Variants in ERCC8 observed in about 807,000 individuals in gnomAD.
ERCC8 encodes DNA excision repair protein ERCC-8.
A neutral mutation model predicts 54.9 loss-of-function variants in ERCC8; 52 were observed. The observed-to-expected ratio is 0.95, with a 90% confidence interval of 0.76 to 1.19. ERCC8 has a LOEUF of 1.19. Among genes scored for constraint, ERCC8 ranks in the 50% most tolerant of loss-of-function variants. The probability of loss-of-function intolerance (pLI) is 0.00; values close to 1 mark genes in which losing one functional copy is unlikely to be tolerated. For missense variants in ERCC8, 514 were observed against 466.1 expected (o/e 1.10, Z -0.95); for synonymous variants, 146 against 157.2 (o/e 0.93, Z 0.53).
rs148393161 is a variant in ERCC8, at chr5:60,904,792, C to T, written c.481G>A (p.Val161Ile). The stretch of plus-strand genomic sequence containing the variant: ...AAGACAAAAGAATACACTTACAAAC[C>T]TGCTACCAAACAGTGCTTGGTGGAG... ...PVSTKHCLVA[V>I]GTRGPKVQLC... Residue 161 changes from valine (V) to isoleucine (I), a missense_variant and splice_region_variant, in exon 5 of 12, where the codon GTT (valine) becomes ATT (isoleucine). By Grantham distance (29) the Val-to-Ile change is conservative. Coordinates refer to ENST00000676185, the MANE Select transcript of ERCC8 (RefSeq NM_000082.4). The T allele has an allele frequency of 4.4e-5, 70 of 1,582,430 alleles. No individual in the cohort carries two copies. Among genetic ancestry groups the T allele is most frequent in the Non-Finnish European group, 5.4e-5 (62 of 1,153,600 alleles).
At chr5:60,892,078 T>C in intron 9 of ERCC8, 1 of 529,240 alleles carries the variant, frequency 1.9e-6, no homozygotes, top group South Asian at 1.4e-5. Flanking sequence ...TTGTAGGGGG[T>C]CCATCTCCAT....
At chr5:60,936,254 G>A (rs577136788) in intron 1 of ERCC8, among the ~76,000 whole-genome samples, 5 of 152,132 alleles carry the variant, frequency 3.3e-5, no homozygotes, top group South Asian at 2.1e-4. Context: ...GGAGGGTTGC[G>A]TATTTCCAGG....
At chr5:60,928,804 G>C (rs1749822671) in intron 2 of ERCC8, 60 bp downstream of exon 2, 1 of 894,750 alleles carries the variant, frequency 1.1e-6, no homozygotes, top group Admixed American at 1.9e-5. Context: ...ATTTGAAAAA[G>C]CAGGTTTTAC....
chr5:60,883,730 G>C (rs992189150), intron 11 of ERCC8, among the ~76,000 whole-genome samples: 2 of 152,264 alleles, frequency 1.3e-5, no homozygotes, highest in African/African-American at 4.8e-5. Context: ...CTTAGTGAGA[G>C]GTCAGGTTTA....
chr5:60,877,755 C>T (rs1454810107), intron 11 of ERCC8, among the ~76,000 whole-genome samples: 1 of 152,210 alleles, frequency 6.6e-6, no homozygotes, highest in Non-Finnish European at 1.5e-5. Context: ...TGCTTATCAG[C>T]TTAAGGAGAT....
intron 2 of ERCC8, 44 bp from the exon 3 acceptor site, chr5:60,922,199 A>G: frequency 7.9e-7 from 1 of 1,261,160 alleles, no homozygotes; most frequent in Non-Finnish European, 1.1e-6. Context: ...TTTATTTATT[A>G]TTTAGTCCAT....
rs1748843919 is a variant in ERCC8 at position 60,900,469 on chromosome 5, CA to C, written c.618-743del. ...CAAGGACCTCAACAATATTGTAACC[CA>C]GGGGGCTTATCAATGCCATTTTAAT... is the stretch of plus-strand genomic sequence containing the variant. On this transcript the variant is annotated intron_variant, in intron 7 of 11. Coordinates refer to ENST00000676185, the MANE Select transcript of ERCC8 (RefSeq NM_000082.4). Among the ~76,000 whole-genome samples the C allele has an allele frequency of 5.3e-5, 8 of 152,010 alleles. No homozygotes were observed. In the South Asian group the frequency reaches 1.7e-3, roughly 32 times the overall value.
At chr5:60,904,921 C>A in intron 4 of ERCC8, 48 bp from the exon 5 acceptor site, 1 of 941,544 alleles carries the variant, frequency 1.1e-6, no homozygotes, top group Non-Finnish European at 1.7e-6. Flanking sequence ...AGTATAAAAA[C>A]AAAGCAATAA....
intron 11 of ERCC8, among the ~76,000 whole-genome samples, chr5:60,880,915 G>A (rs550344155): frequency 6.1e-4 from 93 of 152,276 alleles, no homozygotes; most frequent in Non-Finnish European, 1.0e-3. Context: ...GAGGAGCTGC[G>A]TTCCTTTGGA....
chr5:60,877,623 A>G lies in ERCC8; in HGVS notation c.1123-2940T>C, dbSNP rs189059509. Among the ~76,000 whole-genome samples the G allele has an allele frequency of 7.3e-3, 1,114 of 152,072 alleles. 6 individuals carry two copies. The highest frequency in any genetic ancestry group is 0.031 in the South Asian group (149 of 4,806). On this transcript the variant is annotated intron_variant, in intron 11 of 11. Transcript: ENST00000676185. ...GTAAGTTGGATTCCTAGGTATTTTA[A>G]TCTCTTTGAAGCAATTGTGAATGGA...
intron 1 of ERCC8, among the ~76,000 whole-genome samples, chr5:60,934,205 G>C (rs1749997281): frequency 6.6e-6 from 1 of 152,200 alleles, no homozygotes; most frequent in South Asian, 2.1e-4. Context: ...CCCACTGGCA[G>C]TGGAAAAGTG....
At chr5:60,918,596 C>A in intron 3 of ERCC8, 1 of 556,920 alleles carries the variant, frequency 1.8e-6, no homozygotes, top group Non-Finnish European at 3.2e-6. Flanking sequence ...AGAGACATAC[C>A]TCCTACTAAG....
chr5:60,874,670 G>T lies in ERCC8; in HGVS notation c.1136C>A (p.Ser379Ter), dbSNP rs1561491505. Residue 379 changes from serine (S) to a stop codon, truncating the protein, a stop_gained, in exon 12 of 12, where the codon TCA (serine) becomes TAA (stop). Transcript: ENST00000676185. LOFTEE classifies it high-confidence loss of function. Reference protein sequence around the residue: ...VPDDDETTTKSQLNPAFEDAW... With the variant: ...VPDDDETTTK ...ATCTTCAAAGGCCGGATTTAATTGT[G>T]ATTTTGTTGTAGTCTAAAAAAAAAA... The T allele has an allele frequency of 6.2e-7, 1 of 1,607,746 alleles. No individual in the cohort carries two copies. The highest frequency in any genetic ancestry group is 8.5e-7 in the Non-Finnish European group (1 of 1,177,840).
chr5:60,935,251 C>T (rs949834737), intron 1 of ERCC8, among the ~76,000 whole-genome samples: 4 of 152,092 alleles, frequency 2.6e-5, no homozygotes, highest in Non-Finnish European at 5.9e-5. Context: ...CTTTTACCTC[C>T]CTGGCTAGGT....
At chr5:60,944,487 T>C (rs1372134385) in intron 1 of ERCC8, among the ~76,000 whole-genome samples, 1 of 152,220 alleles carries the variant, frequency 6.6e-6, no homozygotes, top group Non-Finnish European at 1.5e-5. Context: ...AATTCTCCGC[T>C]CTAGTCATTC....
At chr5:60,935,942 G>A (rs1446938003) in intron 1 of ERCC8, among the ~76,000 whole-genome samples, 2 of 152,178 alleles carry the variant, frequency 1.3e-5, no homozygotes. Context: ...TGGTTAGCAA[G>A]TATTTTGTTG....
intron 9 of ERCC8, among the ~76,000 whole-genome samples, chr5:60,897,910 T>A (rs1230211718): frequency 3.3e-5 from 5 of 152,212 alleles, no homozygotes; most frequent in African/African-American, 9.6e-5. Flanking sequence ...TTTGGAACAT[T>A]TCAGATTTCA....
At chr5:60,884,020 G>C (rs1224649985) in intron 11 of ERCC8, among the ~76,000 whole-genome samples, 2 of 152,190 alleles carry the variant, frequency 1.3e-5, no homozygotes, top group East Asian at 3.8e-4. Flanking sequence ...ATTACATCTT[G>C]ATTGATGGGG....
At position 60,868,148 on chromosome 5, in the gene ERCC8, C is replaced by G. The variant is rs1747791935; in HGVS notation, c.*6467G>C. ...TGAGCTGAGGTCACACCATTGCCCTCCAGCCTGGGCAACAAGACGAAACTA... is the reference window on the plus strand; with the variant it reads ...TGAGCTGAGGTCACACCATTGCCCTGCAGCCTGGGCAACAAGACGAAACTA... On this transcript the variant is annotated 3_prime_UTR_variant, in exon 12 of 12. Transcript: ENST00000676185. Among the ~76,000 whole-genome samples, 1 of 152,194 alleles carries G rather than the reference C, an allele frequency of 6.6e-6. No individual in the cohort carries two copies. Among genetic ancestry groups the G allele is most frequent in the South Asian group, 2.1e-4 (1 of 4,828 alleles).
Sources: gnomAD v4.1 joint callset for allele counts (sites outside exome capture counted in the v4.1 genomes callset) on GRCh38, gnomAD v4.1.1 for gene constraint, MANE v1.5 for transcripts, NCBI Gene and HGNC (gene_info 2026-07-23, HGNC 2026-07-21) for gene names.